Variants in TECRL observed in about 807,000 individuals in gnomAD.
TECRL encodes trans-2,3-enoyl-CoA reductase like.
Under a neutral mutation model 52.8 loss-of-function variants are expected in TECRL, and 63 were observed. The observed-to-expected ratio is 1.19, with a 90% CI of 0.97 to 1.47. TECRL has a LOEUF of 1.47. TECRL is among the 40% of genes most tolerant of loss of function. The pLI is 0.00. For missense variants in TECRL, 482 were observed against 429.6 expected, an observed-to-expected ratio of 1.12 and a Z score of -1.08; for synonymous variants, 164 against 141.9, an observed-to-expected ratio of 1.16 and a Z score of -1.10.
chr4:64,355,831 A>C (rs940597301), intron 2 of TECRL, among the ~76,000 whole-genome samples: 1 of 151,420 alleles, frequency 6.6e-6, no homozygotes, highest in Non-Finnish European at 1.5e-5. Context: ...ATTAATTATA[A>C]AAATATTTTA....
chr4:64,289,946 G>T (rs1486021186), intron 8 of TECRL, among the ~76,000 whole-genome samples, 179 bp from the exon 9 acceptor site: 1 of 152,050 alleles, frequency 6.6e-6, no homozygotes, highest in Non-Finnish European at 1.5e-5. Context: ...AGAAGTTCTT[G>T]CTGGCATATA....
At chr4:64,300,246 A>G (rs1006348278) in intron 7 of TECRL, among the ~76,000 whole-genome samples, 9 of 150,658 alleles carry the variant, frequency 6.0e-5, no homozygotes, top group Admixed American at 3.3e-4. Flanking sequence ...AATGGAATAT[A>G]TTATTAATTT....
At position 64,279,399 on chromosome 4, in the gene TECRL, C is replaced by T. The variant is rs746246460; in HGVS notation, c.*673G>A. The T allele has an allele frequency of 1.3e-5, 2 of 152,266 alleles. No individual in the cohort carries two copies. Among genetic ancestry groups the T allele is most frequent in the African/African-American group, 2.4e-5 (1 of 41,542 alleles). 9.4% of individuals were successfully genotyped at this position (152,266 alleles called of 1,614,324 possible). A position where few individuals can be genotyped will look rare whatever the true frequency, so the allele number is the denominator to read the frequency against. Reference sequence around the variant, plus strand: ...CTACCTACTGGCATGTGCCACCACGCCCAGCTAATTTTTACTTTTTAAAAT... The same window carrying T: ...CTACCTACTGGCATGTGCCACCACGTCCAGCTAATTTTTACTTTTTAAAAT... On this transcript the variant is annotated 3_prime_UTR_variant, in exon 12 of 12. Transcript: ENST00000381210.
intron 1 of TECRL, among the ~76,000 whole-genome samples, chr4:64,404,234 A>T (rs1724561127): frequency 6.6e-6 from 1 of 151,616 alleles, no homozygotes; most frequent in East Asian, 1.9e-4. Context: ...AAAAAAAAAA[A>T]AACAATAGGA....
chr4:64,288,787 G>A (rs994766462), intron 9 of TECRL, among the ~76,000 whole-genome samples: 2 of 152,118 alleles, frequency 1.3e-5, no homozygotes, highest in Admixed American at 1.3e-4. Flanking sequence ...GCAAACCAAT[G>A]AGATGCATTG....
At chr4:64,375,134 C>A (rs1274737883) in intron 2 of TECRL, 38 bp downstream of exon 2, 1 of 1,059,616 alleles carries the variant, frequency 9.4e-7, no homozygotes, top group Non-Finnish European at 1.3e-6. Context: ...GAAAATAAAA[C>A]ATTATGATGT....
At chr4:64,375,285 A>T in intron 1 of TECRL, 62 bp from the exon 2 acceptor site, 1 of 903,326 alleles carries the variant, frequency 1.1e-6, no homozygotes, top group Non-Finnish European at 1.6e-6. Context: ...CTATCCATTT[A>T]AGAAAAAAAA....
intron 8 of TECRL, among the ~76,000 whole-genome samples, chr4:64,297,539 A>G (rs376455447): frequency 6.6e-6 from 1 of 151,076 alleles, no homozygotes; most frequent in Non-Finnish European, 1.5e-5. Flanking sequence ...CTTCTGTACA[A>G]TATGGATTGT....
chr4:64,285,930 G>A (rs1723057580), intron 9 of TECRL, among the ~76,000 whole-genome samples: 1 of 152,008 alleles, frequency 6.6e-6, no homozygotes, highest in Non-Finnish European at 1.5e-5. Context: ...AGGATGAGAA[G>A]ACACGATGAA....
Position 64,375,169 on chromosome 4 carries a change from T to C in TECRL, c.286+3A>G, listed in dbSNP as rs377115761. 8.1e-6 allele frequency: 11 copies of C among 1,355,520 alleles called. No homozygotes were observed. In the African/African-American group the frequency reaches 1.1e-4, roughly 13 times the overall value. 84.0% of individuals were successfully genotyped at this position (1,355,520 alleles called of 1,614,324 possible). A position where few individuals can be genotyped will look rare whatever the true frequency, so the allele number is the denominator to read the frequency against. On this transcript the variant is annotated splice_donor_region_variant and intron_variant, in intron 2 of 11. Transcript: ENST00000381210. The stretch of plus-strand genomic sequence containing the variant: ...TAAATTCTAAATAATATATAAAACT[T>C]ACATGCTTTGTGAAACTTTTGCTTA...
At chr4:64,303,907 GT>G (rs1724165153) in intron 7 of TECRL, among the ~76,000 whole-genome samples, 1 of 151,750 alleles carries the variant, frequency 6.6e-6, no homozygotes, top group African/African-American at 2.4e-5. Flanking sequence ...CAGAATTTGA[GT>G]CCTAATTGTA....
At chr4:64,318,008 C>T (rs1373992948) in intron 4 of TECRL, among the ~76,000 whole-genome samples, 1 of 152,142 alleles carries the variant, frequency 6.6e-6, no homozygotes, top group Non-Finnish European at 1.5e-5. Context: ...AAAGCTCAAC[C>T]TAAAATCATT....
intron 2 of TECRL, among the ~76,000 whole-genome samples, chr4:64,357,879 A>G (rs1171525023): frequency 6.6e-6 from 1 of 151,754 alleles, no homozygotes; most frequent in East Asian, 1.9e-4. Flanking sequence ...ATTCATAAGG[A>G]CATTATATAT....
intron 1 of TECRL, among the ~76,000 whole-genome samples, chr4:64,392,439 A>G (rs1723612972): frequency 6.6e-6 from 1 of 151,908 alleles, no homozygotes; most frequent in Admixed American, 6.6e-5. Flanking sequence ...TCTAATCATG[A>G]CATCGAGCTC....
At chr4:64,369,529 G>C (rs13131221) in intron 2 of TECRL, among the ~76,000 whole-genome samples, 31 of 152,086 alleles carry the variant, frequency 2.0e-4, no homozygotes, top group Middle Eastern at 3.4e-3. Flanking sequence ...TGGGTACTAC[G>C]GGGACTTCTG....
intron 2 of TECRL, among the ~76,000 whole-genome samples, chr4:64,345,186 C>T (rs1719863202): frequency 6.6e-6 from 1 of 152,120 alleles, no homozygotes; most frequent in Non-Finnish European, 1.5e-5. Flanking sequence ...TTTGACCCAG[C>T]CATCCCATTA....
At chr4:64,305,035 G>A (rs1486142405) in intron 7 of TECRL, 131 bp downstream of exon 7, 6 of 621,438 alleles carry the variant, frequency 9.7e-6, no homozygotes, top group African/African-American at 7.3e-5. Flanking sequence ...AACATTTAAA[G>A]AAATATGATA....
intron 2 of TECRL, among the ~76,000 whole-genome samples, chr4:64,333,445 A>T (rs1323776726): frequency 1.3e-5 from 2 of 152,208 alleles, no homozygotes; most frequent in African/African-American, 4.8e-5. Flanking sequence ...TGAGATGATG[A>T]AATAAATAAA....
intron 7 of TECRL, among the ~76,000 whole-genome samples, chr4:64,303,171 T>C (rs1171010641): frequency 1.3e-5 from 2 of 151,514 alleles, no homozygotes; most frequent in East Asian, 3.9e-4. Context: ...ATTAAAGACT[T>C]AGAAAGTGAT....
Sources: allele counts gnomAD v4.1 joint callset (sites outside exome capture counted in the v4.1 genomes callset), GRCh38; gene constraint gnomAD v4.1.1; transcripts MANE v1.5; gene names NCBI Gene and HGNC (gene_info 2026-07-23, HGNC 2026-07-21).